DLGAP1: variants seen among roughly 807,000 people sequenced by gnomAD.
DLGAP1 encodes the protein DLG associated protein 1.
Under a neutral mutation model 90.8 loss-of-function variants are expected in DLGAP1, and 11 were observed. The observed-to-expected ratio is 0.12, with a 90% confidence interval of 0.08 to 0.20. The LOEUF (loss-of-function observed/expected upper bound fraction) is 0.20. Ranked by LOEUF, DLGAP1 falls within the 10% of genes least tolerant of loss-of-function variation. The probability of loss-of-function intolerance (pLI) is 1.00; values close to 1 mark genes in which losing one functional copy is unlikely to be tolerated. For synonymous variants in DLGAP1, 558 were observed against 540.7 expected (o/e 1.03, Z -0.44); for missense variants, 1,050 against 1,333.8 (o/e 0.79, Z 3.31).
chr18:3,685,360 G>A lies in DLGAP1; in HGVS notation c.1591+43775C>T, dbSNP rs532704326. ...GTGGACCACTTGAGGTCAGGAGATC[G>A]AGACCATCCTGGCTAACACAGTGAA... On this transcript the variant is annotated intron_variant, in intron 7 of 12. Transcript: ENST00000315677. 7.2e-5 allele frequency among the ~76,000 whole-genome samples: 11 copies of A among 152,018 alleles called. No individual in the cohort carries two copies. In the South Asian group the frequency reaches 1.9e-3, roughly 26 times the overall value.
At chr18:4,412,245 A>G (rs1172813519) in intron 1 of DLGAP1, among the ~76,000 whole-genome samples, 1 of 152,168 alleles carries the variant, frequency 6.6e-6, no homozygotes, top group Non-Finnish European at 1.5e-5. Context: ...CAATATCTCA[A>G]TGGATGCACT....
chr18:3,700,601 A>T (rs756647070), intron 7 of DLGAP1, among the ~76,000 whole-genome samples: 40 of 151,654 alleles, frequency 2.6e-4, no homozygotes, highest in Non-Finnish European at 5.4e-4. Context: ...ATTTTATTTT[A>T]TTTTTTTAAA....
At chr18:3,961,686 C>T (rs2073201191) in intron 3 of DLGAP1, among the ~76,000 whole-genome samples, 1 of 152,190 alleles carries the variant, frequency 6.6e-6, no homozygotes, top group African/African-American at 2.4e-5. Flanking sequence ...AGTGGGAGGG[C>T]AGACCTGGAG....
At chr18:3,533,243 G>A (rs900426051) in intron 10 of DLGAP1, among the ~76,000 whole-genome samples, 2 of 152,198 alleles carry the variant, frequency 1.3e-5, no homozygotes, top group Admixed American at 1.3e-4. Flanking sequence ...GAGGAGTGAG[G>A]CCCTGTCTGA....
intron 1 of DLGAP1, among the ~76,000 whole-genome samples, chr18:4,331,327 G>A (rs1466932610): frequency 6.6e-6 from 1 of 151,676 alleles, no homozygotes; most frequent in Non-Finnish European, 1.5e-5. Flanking sequence ...CAGCGCTCAG[G>A]ACAGAAACTT....
At chr18:3,961,337 C>G (rs375110152) in intron 3 of DLGAP1, among the ~76,000 whole-genome samples, 4 of 152,190 alleles carry the variant, frequency 2.6e-5, no homozygotes, top group African/African-American at 9.7e-5. Context: ...CCTCCAATTG[C>G]TATGTCTGGT....
chr18:4,138,349 G>A (rs778541481), intron 2 of DLGAP1, among the ~76,000 whole-genome samples: 11 of 151,826 alleles, frequency 7.2e-5, no homozygotes, highest in Non-Finnish European at 1.6e-4. Flanking sequence ...TTTATCAAAA[G>A]CTTTTTCAGC....
chr18:4,399,705 G>C (rs957982292), intron 1 of DLGAP1, among the ~76,000 whole-genome samples: 1 of 152,190 alleles, frequency 6.6e-6, no homozygotes, highest in Non-Finnish European at 1.5e-5. Context: ...AGGTGCAGAG[G>C]CTGGCTTTCT....
intron 4 of DLGAP1, among the ~76,000 whole-genome samples, chr18:3,857,006 A>G (rs1178066651): frequency 6.6e-6 from 1 of 152,186 alleles, no homozygotes; most frequent in Non-Finnish European, 1.5e-5. Context: ...ATTTAGTATA[A>G]TGCTACATCC....
chr18:3,652,176 A>AAAAAAAG (rs1555615914), intron 7 of DLGAP1, among the ~76,000 whole-genome samples: 3 of 149,610 alleles, frequency 2.0e-5, no homozygotes, highest in African/African-American at 7.6e-5. Flanking sequence ...AAAAAAAAAA[A>AAAAAAAG]AAAAGAAAAG....
At chr18:3,613,095 C>T (rs1260237924) in intron 7 of DLGAP1, among the ~76,000 whole-genome samples, 3 of 152,166 alleles carry the variant, frequency 2.0e-5, no homozygotes, top group Non-Finnish European at 2.9e-5. Context: ...GCCTCGGCTT[C>T]CCAAAGTGCT....
intron 1 of DLGAP1, among the ~76,000 whole-genome samples, chr18:4,222,284 G>T (rs1167851810): frequency 6.6e-6 from 1 of 152,016 alleles, no homozygotes; most frequent in African/African-American, 2.4e-5. Flanking sequence ...TTAACCATTT[G>T]CCCTAAACCA....
intron 3 of DLGAP1, chr18:3,978,133 TG>T: frequency 2.2e-6 from 1 of 451,824 alleles, no homozygotes; most frequent in South Asian, 1.6e-5. Context: ...ATTCCAAAGT[TG>T]TCATGGATGA....
chr18:3,597,251 G>A (rs1369192621), intron 7 of DLGAP1: 1 of 508,658 alleles, frequency 2.0e-6, no homozygotes, highest in Non-Finnish European at 3.9e-6. Context: ...CCTGCACAAT[G>A]GGGCCTTGGA....
rs191663378 is a variant in DLGAP1, at chr18:3,891,407, T to A, written c.-72-11267A>T. The stretch of plus-strand genomic sequence containing the variant: ...AGAGGCTGCTGAGTGTCGCTGGGGA[T>A]GGGACTGGTGCCATGGCAAATTCCC... On this transcript the variant is annotated intron_variant, in intron 3 of 12. Coordinates refer to ENST00000315677, the MANE Select transcript of DLGAP1 (RefSeq NM_004746.4). Among the ~76,000 whole-genome samples the A allele has an allele frequency of 2.0e-5, 3 of 152,308 alleles. No homozygotes were observed. The East Asian group carries it at 5.8e-4, about 29-fold the overall frequency.
At chr18:3,718,098 T>C (rs958408043) in intron 7 of DLGAP1, among the ~76,000 whole-genome samples, 1 of 152,236 alleles carries the variant, frequency 6.6e-6, no homozygotes, top group Non-Finnish European at 1.5e-5. Context: ...CTTTAATTTG[T>C]GTCAGTTTAA....
chr18:4,133,044 C>T (rs571651848), intron 2 of DLGAP1, among the ~76,000 whole-genome samples: 21 of 152,274 alleles, frequency 1.4e-4, no homozygotes, highest in African/African-American at 4.8e-4. Context: ...AGAACTGTTT[C>T]AGCAAGATTT....
chr18:4,272,158 A>T (rs906104151), intron 1 of DLGAP1, among the ~76,000 whole-genome samples: 5 of 152,334 alleles, frequency 3.3e-5, no homozygotes, highest in Admixed American at 6.5e-5. Context: ...ATTGCGTAAG[A>T]AATATATATT....
chr18:3,928,778 T>C (rs948902981), intron 3 of DLGAP1, among the ~76,000 whole-genome samples: 1 of 152,202 alleles, frequency 6.6e-6, no homozygotes, highest in Non-Finnish European at 1.5e-5. Context: ...CGAATTCATA[T>C]GCCTTACGAT....
Sources: allele counts gnomAD v4.1 joint callset (sites outside exome capture counted in the v4.1 genomes callset), GRCh38; gene constraint gnomAD v4.1.1; transcripts MANE v1.5; gene names NCBI Gene and HGNC (gene_info 2026-07-23, HGNC 2026-07-21).